Variants in ACTR3 observed in about 807,000 individuals in gnomAD.
The protein encoded by ACTR3 is actin related protein 3, also known as actin-related protein 3.
Under a neutral mutation model 56.8 loss-of-function variants are expected in ACTR3, and 12 were observed. The observed-to-expected ratio is 0.21, with a 90% CI of 0.14 to 0.34. The LOEUF (loss-of-function observed/expected upper bound fraction) is 0.34, where lower values mean the gene tolerates loss of function less well. ACTR3 is among the 10% of genes least tolerant of loss of function. The probability of loss-of-function intolerance (pLI) is 1.00; values close to 1 mark genes in which losing one functional copy is unlikely to be tolerated. For missense variants in ACTR3, 282 were observed against 512.5 expected, an observed-to-expected ratio of 0.55 and a Z score of 4.34; for synonymous variants, 162 against 167.4, an observed-to-expected ratio of 0.97 and a Z score of 0.25.
intron 1 of ACTR3, among the ~76,000 whole-genome samples, chr2:113,894,651 A>T (rs1678971072): frequency 6.6e-6 from 1 of 152,176 alleles, no homozygotes; most frequent in Non-Finnish European, 1.5e-5. Context: ...CGGTGAACGA[A>T]CTTTCAGGCT....
At chr2:113,907,991 A>AG (rs1172581392) in intron 1 of ACTR3, among the ~76,000 whole-genome samples, 1 of 151,330 alleles carries the variant, frequency 6.6e-6, no homozygotes, top group Non-Finnish European at 1.5e-5. Context: ...AAAAAAAAAA[A>AG]AAAAAAAAAA....
intron 6 of ACTR3, among the ~76,000 whole-genome samples, chr2:113,937,440 T>TTTGTGA (rs1679849788): frequency 6.6e-6 from 1 of 152,212 alleles, no homozygotes; most frequent in African/African-American, 2.4e-5. Context: ...GTACCATATC[T>TTTGTGA]AGTGCTCTCT....
At chr2:113,908,301 A>G (rs1200420499) in intron 1 of ACTR3, among the ~76,000 whole-genome samples, 1 of 148,914 alleles carries the variant, frequency 6.7e-6, no homozygotes, top group Non-Finnish European at 1.5e-5. Flanking sequence ...TCTACCATCT[A>G]CTTGTACAAA....
chr2:113,951,929 T>C (rs897738183), intron 10 of ACTR3, 84 bp downstream of exon 10: 2 of 1,550,212 alleles, frequency 1.3e-6, no homozygotes, highest in Non-Finnish European at 1.8e-6. Flanking sequence ...TTCACTCTGA[T>C]TTAGAAAAAT....
chr2:113,951,593 T>C (rs1462877525), intron 9 of ACTR3, 22 bp downstream of exon 9: 2 of 1,589,670 alleles, frequency 1.3e-6, no homozygotes, highest in Non-Finnish European at 1.7e-6. Flanking sequence ...AAAATTGTTA[T>C]TCAAGGTCTT....
At chr2:113,917,115 C>T (rs1679420554) in intron 3 of ACTR3, 107 bp downstream of exon 3, 1 of 929,006 alleles carries the variant, frequency 1.1e-6, no homozygotes, top group Admixed American at 4.1e-5. Context: ...ATCCTCAAAC[C>T]TCTTCTCAGT....
At chr2:113,916,476 A>G (rs1463534803) in intron 2 of ACTR3, among the ~76,000 whole-genome samples, 1 of 152,200 alleles carries the variant, frequency 6.6e-6, no homozygotes, top group African/African-American at 2.4e-5. Context: ...TAGAGATGTA[A>G]AGAAAGTTTA....
intron 8 of ACTR3, among the ~76,000 whole-genome samples, chr2:113,949,353 G>A (rs1574383275): frequency 6.8e-6 from 1 of 146,640 alleles, no homozygotes; most frequent in East Asian, 2.0e-4. Flanking sequence ...ACTCCAGCCT[G>A]GGTGTCAGAT....
chr2:113,908,796 A>G (rs1679251122), intron 1 of ACTR3, among the ~76,000 whole-genome samples: 1 of 151,932 alleles, frequency 6.6e-6, no homozygotes, highest in Admixed American at 6.6e-5. Context: ...CCTGCGGGAG[A>G]AAATGTGACT....
intron 3 of ACTR3, among the ~76,000 whole-genome samples, chr2:113,919,004 A>G (rs996762241): frequency 6.6e-6 from 1 of 152,240 alleles, no homozygotes; most frequent in African/African-American, 2.4e-5. Flanking sequence ...AACAGAAAAT[A>G]ATATAATGAA....
At chr2:113,922,742 A>G (rs1302886716) in intron 3 of ACTR3, among the ~76,000 whole-genome samples, 1 of 152,216 alleles carries the variant, frequency 6.6e-6, no homozygotes, top group Non-Finnish European at 1.5e-5. Context: ...GGTAGACAGG[A>G]TGAAAAAAGA....
At chr2:113,917,916 G>A (rs898297373) in intron 3 of ACTR3, among the ~76,000 whole-genome samples, 1 of 152,158 alleles carries the variant, frequency 6.6e-6, no homozygotes. Flanking sequence ...GGGGAATCAG[G>A]AATGTCCTCG....
chr2:113,917,020 T>C lies in ACTR3; in HGVS notation c.225+12T>C, dbSNP rs1290090178. ...CATATGCAACAAAGGTATGTTTTTA[T>C]GATTTGTATAAATAACATTTTCAAA... On this transcript the variant is annotated intron_variant, in intron 3 of 11. Transcript: ENST00000263238. 1 of 1,595,406 alleles carries C rather than the reference T, an allele frequency of 6.3e-7. No homozygotes were observed. Among genetic ancestry groups the C allele is most frequent in the East Asian group, 2.2e-5 (1 of 44,456 alleles).
intron 3 of ACTR3, among the ~76,000 whole-genome samples, chr2:113,925,832 G>A (rs1679610061): frequency 1.3e-5 from 2 of 152,112 alleles, no homozygotes; most frequent in Non-Finnish European, 1.5e-5. Context: ...ATACTGCAAG[G>A]TATTTATTTC....
At chr2:113,951,944 G>A (rs1365558218) in intron 10 of ACTR3, 99 bp downstream of exon 10, 2 of 1,467,220 alleles carry the variant, frequency 1.4e-6, no homozygotes, top group East Asian at 4.6e-5. Context: ...AAAAATAAGA[G>A]GAACCTGTCA....
At chr2:113,949,979 T>G (rs1230704861) in intron 8 of ACTR3, among the ~76,000 whole-genome samples, 1 of 152,234 alleles carries the variant, frequency 6.6e-6, no homozygotes, top group Non-Finnish European at 1.5e-5. Flanking sequence ...CGTTTGAATA[T>G]ATAGCTGATG....
intron 3 of ACTR3, among the ~76,000 whole-genome samples, chr2:113,920,044 C>T (rs1049717044): frequency 2.0e-5 from 3 of 152,224 alleles, no homozygotes; most frequent in Admixed American, 6.5e-5. Flanking sequence ...CTGCTTCAGC[C>T]TCCTGAGTAG....
chr2:113,903,645 C>G (rs1679141902), intron 1 of ACTR3, among the ~76,000 whole-genome samples: 1 of 151,610 alleles, frequency 6.6e-6, no homozygotes, highest in African/African-American at 2.4e-5. Flanking sequence ...AAGCAATTCT[C>G]CTGCCTCAGC....
chr2:113,927,428 A>G lies in ACTR3; in HGVS notation c.309A>G (p.Ala103=). 6.3e-7 allele frequency: 1 copy of G among 1,593,892 alleles called. No individual in the cohort carries two copies. The highest frequency in any genetic ancestry group is 1.3e-5 in the African/African-American group (1 of 74,642). Residue 103 remains alanine (A), a synonymous_variant, in exon 4 of 12, where the codon GCA becomes GCG. Coordinates refer to ENST00000263238, the MANE Select transcript of ACTR3 (RefSeq NM_005721.5). ...AAGTGATCTTTAAATATTTAAGGGC[A>G]GAACCTGAAGACCATTATTTTCTTT... ...MEQVIFKYLR[A]EPEDHYFLLT...
Sources: gnomAD v4.1 joint callset for allele counts (sites outside exome capture counted in the v4.1 genomes callset) on GRCh38, gnomAD v4.1.1 for gene constraint, MANE v1.5 for transcripts, NCBI Gene and HGNC (gene_info 2026-07-23, HGNC 2026-07-21) for gene names.